The following KAT6B variants were observed in gnomAD, a reference collection of about 807,000 sequenced individuals.
The protein encoded by KAT6B is histone acetyltransferase KAT6B.
A neutral mutation model predicts 187.5 loss-of-function variants in KAT6B; 10 were observed. That is an observed-to-expected ratio of 0.05 (90% CI 0.03 to 0.09). The LOEUF (loss-of-function observed/expected upper bound fraction) is 0.09. Among genes scored for constraint, KAT6B ranks in the 10% least tolerant of loss-of-function variants. The pLI, the probability that KAT6B is intolerant of heterozygous loss-of-function variation, is 1.00. For missense variants in KAT6B, 1,952 were observed against 2,558.9 expected (o/e 0.76, Z 5.12); for synonymous variants, 861 against 926.8 (o/e 0.93, Z 1.29).
chr10:74,972,459 CTT>C (rs1841907188), intron 6 of KAT6B, 46 bp from the exon 7 acceptor site: 1 of 1,351,392 alleles, frequency 7.4e-7, no homozygotes, highest in African/African-American at 1.5e-5. Context: ...AATATCTTCT[CTT>C]AAAATGAAAC....
At position 74,842,472 on chromosome 10, in the gene KAT6B, A is replaced by G. The variant is rs941378845; in HGVS notation, c.-258-128A>G. 71 of 493,754 alleles carry G rather than the reference A, an allele frequency of 1.4e-4. No individual in the cohort carries two copies. In the Middle Eastern group the frequency reaches 1.5e-3, roughly 11 times the overall value. The allele number at this position is 493,754 out of a possible 1,614,324, so 30.6% of individuals were successfully genotyped here. On this transcript the variant is annotated intron_variant, in intron 2 of 17. Transcript: ENST00000287239. ...AAAATATAGTCACTGTGGCTGTGTT[A>G]TGTAATACCTGCCTGTCATTACTTC...
At chr10:74,887,098 C>T (rs1275121307) in intron 3 of KAT6B, among the ~76,000 whole-genome samples, 1 of 152,136 alleles carries the variant, frequency 6.6e-6, no homozygotes, top group Non-Finnish European at 1.5e-5. Flanking sequence ...GGGACTACAC[C>T]TTGGCATTTG....
chr10:74,969,865 T>C, intron 5 of KAT6B, 90 bp downstream of exon 5: 1 of 1,064,256 alleles, frequency 9.4e-7, no homozygotes, highest in East Asian at 2.4e-5. Context: ...GGCTACTTTC[T>C]TTCTAAAGCT....
At chr10:74,834,662 C>T (rs1841149496) in intron 1 of KAT6B, among the ~76,000 whole-genome samples, 1 of 152,174 alleles carries the variant, frequency 6.6e-6, no homozygotes, top group African/African-American at 2.4e-5. Context: ...GCTGGGTCTA[C>T]AGGTGTACAC....
intron 3 of KAT6B, among the ~76,000 whole-genome samples, chr10:74,918,116 A>C (rs1434366966): frequency 6.6e-6 from 1 of 152,214 alleles, no homozygotes; most frequent in Admixed American, 6.5e-5. Flanking sequence ...ACTTTTGGAA[A>C]GAAAAAGAGA....
In KAT6B at chr10:75,021,298, T is replaced by C; in HGVS notation, c.3021+13T>C. ...AGCTGAGAAAGAGGTAATGATTGTCTTTATCATCCTAAGTTGTGTAACTTC... is the reference window on the plus strand; with the variant it reads ...AGCTGAGAAAGAGGTAATGATTGTCCTTATCATCCTAAGTTGTGTAACTTC... On this transcript the variant is annotated intron_variant, in intron 15 of 17. Coordinates refer to ENST00000287239, the MANE Select transcript of KAT6B (RefSeq NM_012330.4). The C allele has an allele frequency of 6.2e-7, 1 of 1,613,372 alleles. No homozygotes were observed. Among genetic ancestry groups the C allele is most frequent in the Non-Finnish European group, 8.5e-7 (1 of 1,179,372 alleles).
chr10:74,905,756 G>T (rs1441278635), intron 3 of KAT6B, among the ~76,000 whole-genome samples: 1 of 152,174 alleles, frequency 6.6e-6, no homozygotes, highest in Admixed American at 6.5e-5. Flanking sequence ...GGAATTGCCG[G>T]TGTAGGGTGA....
intron 3 of KAT6B, among the ~76,000 whole-genome samples, chr10:74,959,068 ATAAG>A (rs1840901973): frequency 6.6e-6 from 1 of 151,254 alleles, no homozygotes; most frequent in African/African-American, 2.4e-5. Flanking sequence ...AAATAAATAA[ATAAG>A]GTGAGAATGT....
intron 17 of KAT6B, among the ~76,000 whole-genome samples, chr10:75,026,595 C>T (rs1330675600): frequency 6.6e-6 from 1 of 151,470 alleles, no homozygotes; most frequent in Admixed American, 6.6e-5. Context: ...ACTTCTTACC[C>T]TGGGTATAGA....
At chr10:74,835,582 A>C (rs1311080030) in intron 1 of KAT6B, among the ~76,000 whole-genome samples, 1 of 152,200 alleles carries the variant, frequency 6.6e-6, no homozygotes, top group Non-Finnish European at 1.5e-5. Context: ...AGAGACAGAA[A>C]GAGTTTGGGC....
intron 5 of KAT6B, 70 bp downstream of exon 5, chr10:74,969,845 T>C: frequency 2.5e-6 from 3 of 1,185,160 alleles, no homozygotes; most frequent in Non-Finnish European, 2.5e-6. Context: ...TTTTCATTTT[T>C]ATAGAGTATG....
chr10:74,891,650 C>G (rs1362407839), intron 3 of KAT6B, among the ~76,000 whole-genome samples: 2 of 152,172 alleles, frequency 1.3e-5, no homozygotes, highest in Non-Finnish European at 2.9e-5. Context: ...TTGTTATCAG[C>G]CTTGCATTAA....
intron 1 of KAT6B, among the ~76,000 whole-genome samples, chr10:74,832,606 A>G (rs545222167): frequency 1.1e-3 from 162 of 151,828 alleles, no homozygotes; most frequent in African/African-American, 3.2e-3. Context: ...GGTTCAAGCA[A>G]TTTTCCTGCC....
intron 4 of KAT6B, among the ~76,000 whole-genome samples, chr10:74,961,575 A>G (rs957570904): frequency 1.3e-5 from 2 of 152,178 alleles, no homozygotes; most frequent in African/African-American, 4.8e-5. Flanking sequence ...CGAGATCATT[A>G]TCTTCTAGAT....
At chr10:74,906,872 C>T (rs1335456144) in intron 3 of KAT6B, among the ~76,000 whole-genome samples, 1 of 152,190 alleles carries the variant, frequency 6.6e-6, no homozygotes, top group Admixed American at 6.5e-5. Flanking sequence ...CTCTTGAGGT[C>T]CCAAACTGCC....
At chr10:74,849,484 G>T (rs1465906658) in intron 3 of KAT6B, among the ~76,000 whole-genome samples, 2 of 151,538 alleles carry the variant, frequency 1.3e-5, no homozygotes, top group Admixed American at 1.3e-4. Flanking sequence ...GTAGAGACAG[G>T]GTTTCACCAT....
intron 3 of KAT6B, among the ~76,000 whole-genome samples, chr10:74,914,296 C>T (rs1310988504): frequency 1.3e-5 from 2 of 151,946 alleles, no homozygotes; most frequent in Non-Finnish European, 2.9e-5. Context: ...ATTATTTAAT[C>T]TAGAAATTTT....
chr10:74,889,296 G>A (rs978075709), intron 3 of KAT6B, among the ~76,000 whole-genome samples: 1 of 152,072 alleles, frequency 6.6e-6, no homozygotes, highest in African/African-American at 2.4e-5. Flanking sequence ...ACAAGATAAG[G>A]TTGCCTGGAT....
intron 3 of KAT6B, among the ~76,000 whole-genome samples, chr10:74,932,894 C>T (rs922500460): frequency 6.6e-6 from 1 of 152,176 alleles, no homozygotes; most frequent in Non-Finnish European, 1.5e-5. Flanking sequence ...CAGTGAGTTG[C>T]TTACACCAGG....
Sources: allele counts gnomAD v4.1 joint callset (sites outside exome capture counted in the v4.1 genomes callset), GRCh38; gene constraint gnomAD v4.1.1; transcripts MANE v1.5; gene names NCBI Gene and HGNC (gene_info 2026-07-23, HGNC 2026-07-21).